TNR: variants seen among roughly 807,000 people sequenced by gnomAD.
TNR encodes tenascin-R.
A neutral mutation model predicts 150.4 loss-of-function variants in TNR; 45 were observed. The ratio of observed to expected loss-of-function variants is 0.30; its 90% CI spans 0.24 to 0.38. TNR has a LOEUF of 0.38. TNR is among the 10% of genes least tolerant of loss of function. The pLI is 1.00. For missense variants in TNR, 1,544 were observed against 1,759.1 expected (o/e 0.88, Z 2.19); for synonymous variants, 687 against 678.4 (o/e 1.01, Z -0.20).
At chr1:175,405,660 T>C (rs1355257105) in intron 3 of TNR, among the ~76,000 whole-genome samples, 4 of 151,834 alleles carry the variant, frequency 2.6e-5, no homozygotes, top group African/African-American at 4.8e-5. Context: ...CATACGCTTC[T>C]GTGTGCTTTT....
chr1:175,343,811 T>C (rs1262265053), intron 18 of TNR, among the ~76,000 whole-genome samples: 1 of 152,154 alleles, frequency 6.6e-6, no homozygotes, highest in African/African-American at 2.4e-5. Context: ...ACAACACAAT[T>C]TAAAATAGGC....
At chr1:175,657,247 G>A (rs1027874839) in intron 1 of TNR, among the ~76,000 whole-genome samples, 3 of 152,136 alleles carry the variant, frequency 2.0e-5, no homozygotes, top group African/African-American at 4.8e-5. Context: ...TTAGAATGGT[G>A]ATCATTAAAA....
intron 2 of TNR, among the ~76,000 whole-genome samples, chr1:175,437,285 C>T (rs1024985514): frequency 7.9e-5 from 12 of 152,276 alleles, no homozygotes; most frequent in African/African-American, 2.4e-4. Flanking sequence ...CTACTGGGTA[C>T]ATAACGAAAT....
chr1:175,630,080 C>A (rs1664277342), intron 1 of TNR, among the ~76,000 whole-genome samples: 2 of 152,164 alleles, frequency 1.3e-5, no homozygotes, highest in South Asian at 4.1e-4. Context: ...TGGAGACCTG[C>A]CTGCCACGGC....
chr1:175,681,807 G>A (rs546523586), intron 1 of TNR, among the ~76,000 whole-genome samples: 1 of 152,280 alleles, frequency 6.6e-6, no homozygotes, highest in East Asian at 1.9e-4. Flanking sequence ...TAGGGTAGAA[G>A]GAGAAAGGTG....
intron 1 of TNR, among the ~76,000 whole-genome samples, chr1:175,560,862 C>A (rs987878383): frequency 2.6e-5 from 4 of 152,186 alleles, no homozygotes; most frequent in African/African-American, 9.7e-5. Context: ...CTCTGGGTGA[C>A]CACTTAAATT....
chr1:175,440,872 C>T (rs1655754833), intron 2 of TNR, among the ~76,000 whole-genome samples: 1 of 152,042 alleles, frequency 6.6e-6, no homozygotes, highest in Admixed American at 6.6e-5. Context: ...ATTTGGTGGA[C>T]TGGTGTCCTT....
chr1:175,345,423 T>C (rs1432294419), intron 18 of TNR, among the ~76,000 whole-genome samples: 1 of 152,170 alleles, frequency 6.6e-6, no homozygotes, highest in African/African-American at 2.4e-5. Context: ...TGGTACAGAA[T>C]TATTAGAACA....
chr1:175,655,660 G>A (rs1665150563), intron 1 of TNR, among the ~76,000 whole-genome samples: 2 of 152,226 alleles, frequency 1.3e-5, no homozygotes, highest in Non-Finnish European at 2.9e-5. Flanking sequence ...ATTATAATAA[G>A]TGTTATTAGT....
rs770776102 is a variant in TNR at position 175,396,745 on chromosome 1, C to A, written c.1039G>T (p.Asp347Tyr). ...TATTCCGTCACTGCCATCGGCCCGT[C>A]CCATTCCAGCTCAATGGACCTGTCG... ...ISDRSIELEW[D>Y]GPMAVTEYVI... is the part of the protein sequence containing the mutation. The change falls in exon 5 of 23, where the codon GAC becomes TAC. Residue 347 changes from aspartate to tyrosine, a missense_variant. Coordinates refer to ENST00000367674, the MANE Select transcript of TNR (RefSeq NM_003285.3). 2 of 1,614,194 alleles carry A rather than the reference C, an allele frequency of 1.2e-6. No homozygotes were observed. Among genetic ancestry groups the A allele is most frequent in the Non-Finnish European group, 1.7e-6 (2 of 1,180,032 alleles).
chr1:175,432,574 C>T (rs58432028), intron 2 of TNR, among the ~76,000 whole-genome samples: 2,256 of 151,686 alleles, frequency 0.015, 71 homozygotes, highest in African/African-American at 0.052. Flanking sequence ...TTCTTTCTTA[C>T]TTTCCTTCTT....
At chr1:175,381,636 G>A (rs1193147760) in intron 8 of TNR, among the ~76,000 whole-genome samples, 1 of 152,206 alleles carries the variant, frequency 6.6e-6, no homozygotes, top group Non-Finnish European at 1.5e-5. Flanking sequence ...GGTGGGAGCT[G>A]TTCCCTGCAA....
At chr1:175,657,853 GTATATA>G (rs59315046) in intron 1 of TNR, among the ~76,000 whole-genome samples, 2,181 of 70,458 alleles carry the variant, frequency 0.031, 197 homozygotes, top group African/African-American at 0.11. Context: ...CATGGAACAT[GTATATA>G]TATATATATA....
chr1:175,521,581 C>G (rs1313095494), intron 2 of TNR, among the ~76,000 whole-genome samples: 5 of 152,234 alleles, frequency 3.3e-5, no homozygotes. Context: ...TGAGTGGTAG[C>G]TGCTCTACCA....
At chr1:175,454,067 T>C (rs1656446284) in intron 2 of TNR, among the ~76,000 whole-genome samples, 1 of 152,182 alleles carries the variant, frequency 6.6e-6, no homozygotes. Context: ...AGTTCCTCAG[T>C]TTCTCCATCT....
chr1:175,351,948 T>G (rs920345074), intron 18 of TNR, among the ~76,000 whole-genome samples: 2 of 152,208 alleles, frequency 1.3e-5, no homozygotes, highest in African/African-American at 4.8e-5. Context: ...TGGAGTCTTG[T>G]AAACACAAAC....
intron 1 of TNR, among the ~76,000 whole-genome samples, chr1:175,605,014 T>C (rs184062991): frequency 2.5e-4 from 38 of 152,286 alleles, no homozygotes; most frequent in Admixed American, 7.2e-4. Context: ...GAAGCTCATC[T>C]TTATCCTCTC....
At chr1:175,533,326 G>A (rs919176449) in intron 1 of TNR, among the ~76,000 whole-genome samples, 2 of 152,194 alleles carry the variant, frequency 1.3e-5, no homozygotes, top group East Asian at 3.8e-4. Context: ...TCAGTGTGCA[G>A]CAGAAGGAAG....
chr1:175,441,323 A>C (rs979267798), intron 2 of TNR, among the ~76,000 whole-genome samples: 11 of 152,218 alleles, frequency 7.2e-5, no homozygotes, highest in Non-Finnish European at 2.9e-5. Flanking sequence ...GTGCAAAAAG[A>C]GAAGAGGGGA....
Sources: gnomAD v4.1 joint callset for allele counts (sites outside exome capture counted in the v4.1 genomes callset) on GRCh38, gnomAD v4.1.1 for gene constraint, MANE v1.5 for transcripts, NCBI Gene and HGNC (gene_info 2026-07-23, HGNC 2026-07-21) for gene names.